CELF2: variants seen among roughly 807,000 people sequenced by gnomAD.
CELF2 encodes the protein CUG triplet repeat RNA-binding protein 2.
A neutral mutation model predicts 62.6 loss-of-function variants in CELF2; 8 were observed. The observed-to-expected ratio is 0.13, with a 90% CI of 0.07 to 0.23. The LOEUF (loss-of-function observed/expected upper bound fraction) is 0.23. Among genes scored for constraint, CELF2 ranks in the 10% least tolerant of loss-of-function variants. CELF2 has a pLI of 1.00. For synonymous variants in CELF2, 258 were observed against 250.0 expected (o/e 1.03, Z -0.30); for missense variants, 333 against 671.0 (o/e 0.50, Z 5.56).
At chr10:10,876,544 T>A (rs1424635461) in intron 1 of CELF2, among the ~76,000 whole-genome samples, 1 of 152,168 alleles carries the variant, frequency 6.6e-6, no homozygotes, top group East Asian at 1.9e-4. Flanking sequence ...TAATGAGATG[T>A]AGCAAACAGT....
chr10:10,733,918 A>G, the CELF2 span, among the ~76,000 whole-genome samples: 1 of 152,220 alleles, frequency 6.6e-6, no homozygotes, highest in Non-Finnish European at 1.5e-5. Context: ...CTCTTTAAGA[A>G]TGTAATACAA....
intron 1 of CELF2, among the ~76,000 whole-genome samples, chr10:11,024,586 G>A (rs957535724): frequency 2.0e-5 from 3 of 152,066 alleles, no homozygotes; most frequent in Admixed American, 2.0e-4. Flanking sequence ...GGGCGACAGA[G>A]CAAGACTCCG....
chr10:10,692,393 G>T, the CELF2 span, among the ~76,000 whole-genome samples: 3 of 150,710 alleles, frequency 2.0e-5, no homozygotes, highest in African/African-American at 7.3e-5. Flanking sequence ...CCAGTGCCAT[G>T]CTGTTTTGGT....
At chr10:10,509,798 GTA>G in the CELF2 span, among the ~76,000 whole-genome samples, 1 of 152,222 alleles carries the variant, frequency 6.6e-6, no homozygotes, top group Non-Finnish European at 1.5e-5. Context: ...AGGGACCACT[GTA>G]GTCGCTTTGC....
At chr10:11,033,761 G>A (rs1282091307) in intron 1 of CELF2, among the ~76,000 whole-genome samples, 1 of 152,210 alleles carries the variant, frequency 6.6e-6, no homozygotes, top group African/African-American at 2.4e-5. Context: ...CCCCTGTAGT[G>A]TTGTAAATAC....
Position 10,958,067 on chromosome 10 carries a change from A to G in CELF2, c.89+38068A>G, listed in dbSNP as rs117344270. Among the ~76,000 whole-genome samples, 143 of 152,304 alleles carry G rather than the reference A, an allele frequency of 9.4e-4. No individual in the cohort carries two copies. In the East Asian group the frequency reaches 0.021, roughly 23 times the overall value. On this transcript the variant is annotated intron_variant, in intron 2 of 13. Transcript: ENST00000636488. ...GTAAGTGAGTCTAGCAGAAAGCTCTATTTCATCAAAGAAATGTTTAGACTA... is the reference window on the plus strand; with the variant it reads ...GTAAGTGAGTCTAGCAGAAAGCTCTGTTTCATCAAAGAAATGTTTAGACTA...
rs1454331552 is a variant in CELF2 at position 11,269,529 on chromosome 10, A to G, written c.619-1137A>G. ...TCTGAGAGGAGAGAGAGAGAGGTCT[A>G]TTATCATGCTGAGTTTCAATAAAAG... On this transcript the variant is annotated intron_variant, in intron 6 of 12. Coordinates refer to ENST00000633077, the MANE Select transcript of CELF2 (RefSeq NM_001326342.2). The surrounding 1 kb of genome is among the most constrained non-coding windows in gnomAD (Gnocchi z 4.4). 5.9e-5 allele frequency among the ~76,000 whole-genome samples: 9 copies of G among 152,228 alleles called. No individual in the cohort carries two copies. The highest frequency in any genetic ancestry group is 8.8e-5 in the Non-Finnish European group (6 of 68,032).
chr10:10,982,254 C>T (rs1033846636), intron 2 of CELF2, among the ~76,000 whole-genome samples: 1 of 151,946 alleles, frequency 6.6e-6, no homozygotes. Flanking sequence ...CATGCTCAGC[C>T]GACCCTCTCT....
the CELF2 span, among the ~76,000 whole-genome samples, chr10:10,475,916 A>G: frequency 5.3e-5 from 8 of 151,910 alleles, no homozygotes; most frequent in Admixed American, 6.6e-5. Flanking sequence ...TTCTTTTGTA[A>G]TGGTTGTTGA....
At chr10:10,823,661 C>T (rs887360428) in intron 1 of CELF2, among the ~76,000 whole-genome samples, 1 of 152,026 alleles carries the variant, frequency 6.6e-6, no homozygotes, top group South Asian at 2.1e-4. Context: ...AAATACTAAC[C>T]TAAATGCGGC....
At chr10:11,030,472 C>A (rs986308866) in intron 1 of CELF2, 3 of 151,426 alleles carry the variant, frequency 2.0e-5, no homozygotes, top group African/African-American at 7.3e-5. Flanking sequence ...GCCCGAGGTC[C>A]CACTTCTGTT....
intron 1 of CELF2, chr10:11,030,955 A>T (rs1219465316): frequency 6.6e-6 from 1 of 152,270 alleles, no homozygotes; most frequent in Non-Finnish European, 1.5e-5. Context: ...AGAAGCAATT[A>T]ACATTGACTG....
chr10:10,467,704 A>G, the CELF2 span, among the ~76,000 whole-genome samples: 1 of 151,830 alleles, frequency 6.6e-6, no homozygotes, highest in Non-Finnish European at 1.5e-5. Context: ...TCCATAAACA[A>G]TTTTTCTGTT....
At chr10:10,464,091 T>C in the CELF2 span, among the ~76,000 whole-genome samples, 50 of 152,278 alleles carry the variant, frequency 3.3e-4, 1 homozygote, top group Middle Eastern at 6.8e-3. Context: ...TGTGTCGCTC[T>C]ATATTTAACA....
chr10:11,189,366 AG>A (rs1343834901), intron 2 of CELF2, among the ~76,000 whole-genome samples: 1 of 152,220 alleles, frequency 6.6e-6, no homozygotes, highest in African/African-American at 2.4e-5. Context: ...CACAGCAGGT[AG>A]TTGGATCTTA....
At chr10:10,508,257 T>C in the CELF2 span, among the ~76,000 whole-genome samples, 1 of 152,138 alleles carries the variant, frequency 6.6e-6, no homozygotes, top group Non-Finnish European at 1.5e-5. Flanking sequence ...GGTAGTACCA[T>C]GCTGTCTTGC....
At chr10:10,527,557 A>T in the CELF2 span, among the ~76,000 whole-genome samples, 2 of 152,178 alleles carry the variant, frequency 1.3e-5, no homozygotes, top group Admixed American at 1.3e-4. Flanking sequence ...TGACTCTTCC[A>T]AATCAATCCA....
At chr10:11,083,911 G>A (rs1297239469) in intron 1 of CELF2, among the ~76,000 whole-genome samples, 1 of 152,192 alleles carries the variant, frequency 6.6e-6, no homozygotes. Flanking sequence ...TCTTCACTCT[G>A]TGCTTCCCGT....
chr10:10,657,196 C>T, the CELF2 span, among the ~76,000 whole-genome samples: 34 of 152,058 alleles, frequency 2.2e-4, no homozygotes, highest in Middle Eastern at 3.4e-3. Context: ...TTGAAATGTT[C>T]GCATTACACA....
Sources: allele counts gnomAD v4.1 joint callset (sites outside exome capture counted in the v4.1 genomes callset), GRCh38; gene constraint gnomAD v4.1.1; non-coding constraint Gnocchi (gnomAD v3.1); transcripts MANE v1.5; gene names NCBI Gene and HGNC (gene_info 2026-07-23, HGNC 2026-07-21).